CHSY1: variants seen among roughly 807,000 people sequenced by gnomAD.
CHSY1 encodes the protein N-acetylgalactosaminyl-proteoglycan 3-beta-glucuronosyltransferase 1.
CHSY1 carries 13 observed loss-of-function variants against 59.8 expected under a neutral mutation model. That is an observed-to-expected ratio of 0.22 (90% CI 0.14 to 0.35). The LOEUF is 0.35. CHSY1 is among the 10% of genes least tolerant of loss of function. CHSY1 has a pLI of 1.00. For missense variants in CHSY1, 947 were observed against 1,030.6 expected, an observed-to-expected ratio of 0.92 and a Z score of 1.11; for synonymous variants, 459 against 401.2, an observed-to-expected ratio of 1.14 and a Z score of -1.72.
At chr15:101,249,838 C>A (rs2039089269) in intron 1 of CHSY1, among the ~76,000 whole-genome samples, 1 of 152,176 alleles carries the variant, frequency 6.6e-6, no homozygotes, top group African/African-American at 2.4e-5. Flanking sequence ...ATTTACAATA[C>A]CTGCATTCTA....
At chr15:101,180,031 T>C (rs1180131428) in intron 2 of CHSY1, among the ~76,000 whole-genome samples, 1 of 152,254 alleles carries the variant, frequency 6.6e-6, no homozygotes, top group Non-Finnish European at 1.5e-5. Flanking sequence ...TTTTTGTTCA[T>C]ATTGTTAAAG....
intron 2 of CHSY1, chr15:101,189,357 G>A (rs941230378): frequency 2.6e-6 from 2 of 761,000 alleles, no homozygotes; most frequent in Non-Finnish European, 3.2e-6. Context: ...ACGAGAACGT[G>A]ATATAAGCTC....
chr15:101,201,493 C>A (rs1243947145), intron 2 of CHSY1, among the ~76,000 whole-genome samples: 1 of 152,232 alleles, frequency 6.6e-6, no homozygotes, highest in Non-Finnish European at 1.5e-5. Context: ...CTAACTCCTT[C>A]CCATCCTTCT....
chr15:101,208,408 G>A (rs2038649061), intron 2 of CHSY1, among the ~76,000 whole-genome samples: 1 of 152,016 alleles, frequency 6.6e-6, no homozygotes, highest in Non-Finnish European at 1.5e-5. Context: ...ACAGTTATAG[G>A]GGCATATCAA....
At chr15:101,219,987 C>T (rs2038772610) in intron 2 of CHSY1, among the ~76,000 whole-genome samples, 2 of 152,190 alleles carry the variant, frequency 1.3e-5, no homozygotes, top group Non-Finnish European at 2.9e-5. Context: ...CTCCTGACCT[C>T]AGGGGATCCG....
intron 1 of CHSY1, among the ~76,000 whole-genome samples, chr15:101,237,656 G>T (rs1472440372): frequency 6.6e-6 from 1 of 152,184 alleles, no homozygotes; most frequent in East Asian, 1.9e-4. Flanking sequence ...GGTCAACTGC[G>T]AGGAAACCAC....
chr15:101,245,597 T>C (rs978857653), intron 1 of CHSY1, among the ~76,000 whole-genome samples: 1 of 152,188 alleles, frequency 6.6e-6, no homozygotes, highest in Non-Finnish European at 1.5e-5. Flanking sequence ...CAGGGGAACG[T>C]GAAGCTGCCG....
chr15:101,205,998 T>A (rs1458895569), intron 2 of CHSY1, among the ~76,000 whole-genome samples: 1 of 152,082 alleles, frequency 6.6e-6, no homozygotes, highest in Non-Finnish European at 1.5e-5. Flanking sequence ...TACCCCATGA[T>A]CCTGGTATGG....
chr15:101,183,983 A>C (rs2038317138), intron 2 of CHSY1, among the ~76,000 whole-genome samples: 1 of 152,244 alleles, frequency 6.6e-6, no homozygotes, highest in African/African-American at 2.4e-5. Flanking sequence ...GAGAAAATAT[A>C]TACTACTCTG....
Position 101,235,219 on chromosome 15 carries a change from T to C in CHSY1, c.679A>G (p.Met227Val). 1 of 1,613,946 alleles carries C rather than the reference T, an allele frequency of 6.2e-7. No homozygotes were observed. The highest frequency in any genetic ancestry group is 8.5e-7 in the Non-Finnish European group (1 of 1,179,860). The change falls in exon 2 of 3, where the codon ATG becomes GTG. Residue 227 changes from methionine (M) to valine (V), a missense_variant. This residue lies in a region of CHSY1 where 108 missense variants were observed against 144.4 expected (regional missense o/e 0.75). Transcript: ENST00000254190. ...ATTCTCCGAAGCACCTCCCGGCTCA[T>C]GATCACGCCAGGCCCCCCCATGCAG... ...NFCMGGPGVI[M>V]SREVLRRMVP... is the part of the protein sequence containing the mutation.
At chr15:101,237,222 T>TA (rs56731913) in intron 1 of CHSY1, among the ~76,000 whole-genome samples, 5,631 of 57,348 alleles carry the variant, frequency 0.098, 659 homozygotes, top group Middle Eastern at 0.2. Flanking sequence ...AGACTCCATC[T>TA]AAAAAAAAAA....
rs1411155253 is a variant in CHSY1 at position 101,176,641 on chromosome 15, A to G, written c.*747T>C. ...AAACCCCGTCTCTACTAAAAATACA[A>G]AAAAACTAGCTGGGCGTGGTGGTGT... On this transcript the variant is annotated 3_prime_UTR_variant, in exon 3 of 3. Transcript: ENST00000254190. 2.8e-6 allele frequency: 1 copy of G among 360,412 alleles called. No individual in the cohort carries two copies. Among genetic ancestry groups the G allele is most frequent in the African/African-American group, 2.1e-5 (1 of 47,806 alleles). 22.3% of individuals were successfully genotyped at this position (360,412 alleles called of 1,614,324 possible). A position where few individuals can be genotyped will look rare whatever the true frequency, so the allele number is the denominator to read the frequency against.
At chr15:101,183,691 C>T (rs1195082613) in intron 2 of CHSY1, among the ~76,000 whole-genome samples, 1 of 152,222 alleles carries the variant, frequency 6.6e-6, no homozygotes, top group South Asian at 2.1e-4. Context: ...CACGGACAGC[C>T]CTGCAGCAGC....
intron 2 of CHSY1, among the ~76,000 whole-genome samples, chr15:101,234,778 A>G (rs769190438): frequency 7.9e-5 from 12 of 152,226 alleles, no homozygotes; most frequent in African/African-American, 2.6e-4. Context: ...GAGGCAGGAG[A>G]ATTGCTTGAA....
intron 2 of CHSY1, among the ~76,000 whole-genome samples, chr15:101,200,709 T>C (rs1344107957): frequency 6.6e-6 from 1 of 152,206 alleles, no homozygotes; most frequent in Non-Finnish European, 1.5e-5. Context: ...TCTTCATTTC[T>C]TACCTGGCTG....
chr15:101,181,910 C>T (rs1450998708), intron 2 of CHSY1, among the ~76,000 whole-genome samples: 1 of 152,186 alleles, frequency 6.6e-6, no homozygotes, highest in Admixed American at 6.5e-5. Flanking sequence ...ATCAATAACA[C>T]ATCTTTTGCA....
At chr15:101,236,726 A>G (rs2038947212) in intron 1 of CHSY1, among the ~76,000 whole-genome samples, 1 of 152,118 alleles carries the variant, frequency 6.6e-6, no homozygotes, top group Non-Finnish European at 1.5e-5. Context: ...TAGCGAGGCT[A>G]AGGCGGGAGA....
In CHSY1 at chr15:101,244,786, C is replaced by T. The variant is rs554190965; in HGVS notation, c.320+6351G>A. 3.9e-5 allele frequency among the ~76,000 whole-genome samples: 6 copies of T among 152,302 alleles called. No individual in the cohort carries two copies. In the East Asian group the frequency reaches 7.7e-4, roughly 20 times the overall value. Reference sequence around the variant, plus strand: ...TGTCAATAAAAGTATTTCAGCCACACCATTTTTACTTGTTAGAGATGCAGA... The same window carrying T: ...TGTCAATAAAAGTATTTCAGCCACATCATTTTTACTTGTTAGAGATGCAGA... On this transcript the variant is annotated intron_variant, in intron 1 of 2. Transcript: ENST00000254190.
At chr15:101,196,121 C>T (rs1333797160) in intron 2 of CHSY1, among the ~76,000 whole-genome samples, 2 of 150,828 alleles carry the variant, frequency 1.3e-5, no homozygotes, top group East Asian at 2.0e-4. Context: ...TAGTGGAGGG[C>T]GCCTGTAATT....
Sources: gnomAD v4.1 joint callset for allele counts (sites outside exome capture counted in the v4.1 genomes callset) on GRCh38, gnomAD v4.1.1 for gene constraint, gnomAD v4.1.1 regional missense constraint, MANE v1.5 for transcripts, NCBI Gene and HGNC (gene_info 2026-07-23, HGNC 2026-07-21) for gene names.